The following SH3GL3 variants were observed in gnomAD, a reference collection of about 807,000 sequenced individuals.
SH3GL3 encodes the protein SH3 domain containing GRB2 like 3, endophilin A3.
SH3GL3 carries 33 observed loss-of-function variants against 47.7 expected under a neutral mutation model. That is an observed-to-expected ratio of 0.69 (90% CI 0.52 to 0.92). The LOEUF is 0.92. Ranked by LOEUF, SH3GL3 falls within the 40% of genes least tolerant of loss-of-function variation. The pLI is 0.00. For missense variants in SH3GL3, 363 were observed against 417.8 expected (o/e 0.87, Z 1.14); for synonymous variants, 155 against 148.8 (o/e 1.04, Z -0.30).
chr15:83,523,787 C>T lies in SH3GL3; in HGVS notation c.46-35466C>T, dbSNP rs62027544. On this transcript the variant is annotated intron_variant, in intron 1 of 8. Transcript: ENST00000427482. ...TTCTTTCTTTCCTTCTTCTCATTTCCCAGTGGTCTGGTCTCCAAAAACAAA... is the reference window on the plus strand; with the variant it reads ...TTCTTTCTTTCCTTCTTCTCATTTCTCAGTGGTCTGGTCTCCAAAAACAAA... Among the ~76,000 whole-genome samples, 548 of 151,710 alleles carry T rather than the reference C, an allele frequency of 3.6e-3. 3 individuals are homozygous for T. Among genetic ancestry groups the T allele is most frequent in the Admixed American group, 7.9e-3 (120 of 15,234 alleles).
At chr15:83,579,315 G>A (rs1246022010) in intron 6 of SH3GL3, among the ~76,000 whole-genome samples, 3 of 152,190 alleles carry the variant, frequency 2.0e-5, no homozygotes, top group African/African-American at 7.2e-5. Flanking sequence ...TTGACCTGCA[G>A]GTGAGTGGAG....
At chr15:83,470,789 C>G (rs116668533) in intron 1 of SH3GL3, among the ~76,000 whole-genome samples, 1 of 151,986 alleles carries the variant, frequency 6.6e-6, no homozygotes, top group Non-Finnish European at 1.5e-5. Flanking sequence ...TTTGAGTACA[C>G]CTCTTTGTAC....
intron 1 of SH3GL3, among the ~76,000 whole-genome samples, chr15:83,515,256 G>T (rs2042933274): frequency 6.6e-6 from 1 of 152,188 alleles, no homozygotes; most frequent in South Asian, 2.1e-4. Flanking sequence ...ATGAGTTCTG[G>T]ATTATTGTCA....
At chr15:83,482,523 C>T (rs938200570) in intron 1 of SH3GL3, among the ~76,000 whole-genome samples, 20 of 149,814 alleles carry the variant, frequency 1.3e-4, no homozygotes, top group Admixed American at 4.7e-4. Context: ...TTCAAAGTGT[C>T]GCTCTTGTTG....
chr15:83,497,469 C>T (rs1023750890), intron 1 of SH3GL3, among the ~76,000 whole-genome samples: 35 of 152,308 alleles, frequency 2.3e-4, no homozygotes, highest in African/African-American at 8.4e-4. Flanking sequence ...CCACTAGAGG[C>T]AAGGTGCCCC....
intron 1 of SH3GL3, among the ~76,000 whole-genome samples, chr15:83,467,192 T>C (rs2040608102): frequency 6.6e-6 from 1 of 152,250 alleles, no homozygotes; most frequent in Admixed American, 6.5e-5. Context: ...TTTTAGTCTG[T>C]AATCCATTTT....
intron 8 of SH3GL3, among the ~76,000 whole-genome samples, chr15:83,600,471 G>A (rs531770189): frequency 3.5e-4 from 54 of 152,164 alleles, no homozygotes; most frequent in South Asian, 1.2e-3. Context: ...TTATGCTTTC[G>A]TTTGCTTTGT....
chr15:83,522,130 T>C (rs2043229718), intron 1 of SH3GL3, among the ~76,000 whole-genome samples: 1 of 152,022 alleles, frequency 6.6e-6, no homozygotes, highest in African/African-American at 2.4e-5. Flanking sequence ...AGATAACAAT[T>C]TGGGTGCTTG....
chr15:83,547,004 C>T (rs2044433498), intron 1 of SH3GL3, among the ~76,000 whole-genome samples: 1 of 152,132 alleles, frequency 6.6e-6, no homozygotes, highest in Non-Finnish European at 1.5e-5. Context: ...AGGGGTGATG[C>T]AAGCACTCCC....
At chr15:83,587,228 T>C (rs1325190780) in intron 7 of SH3GL3, 142 bp downstream of exon 7, 2 of 571,924 alleles carry the variant, frequency 3.5e-6, no homozygotes, top group African/African-American at 3.9e-5. Context: ...GCTTTCATGG[T>C]TGGATGTGGG....
At chr15:83,456,061 C>A (rs2039942575) in intron 1 of SH3GL3, among the ~76,000 whole-genome samples, 1 of 87,460 alleles carries the variant, frequency 1.1e-5, no homozygotes, top group Non-Finnish European at 2.4e-5. Context: ...TGTTGGAATA[C>A]CCTGCCATGT....
chr15:83,578,855 T>C (rs2059755980), intron 6 of SH3GL3, among the ~76,000 whole-genome samples: 1 of 152,204 alleles, frequency 6.6e-6, no homozygotes, highest in Non-Finnish European at 1.5e-5. Flanking sequence ...AGATACTCCT[T>C]GTTGGGCCAT....
At chr15:83,470,715 C>G (rs2040791670) in intron 1 of SH3GL3, among the ~76,000 whole-genome samples, 1 of 152,044 alleles carries the variant, frequency 6.6e-6, no homozygotes, top group South Asian at 2.1e-4. Context: ...ATTTTCTTTT[C>G]TTTCCTGTAT....
intron 8 of SH3GL3, chr15:83,609,322 G>T (rs1173300800): frequency 2.2e-6 from 1 of 455,900 alleles, no homozygotes; most frequent in Non-Finnish European, 4.4e-6. Context: ...ACTGCTTCGG[G>T]AAGGCCATTG....
intron 1 of SH3GL3, among the ~76,000 whole-genome samples, chr15:83,484,681 T>G (rs1420739509): frequency 1.3e-5 from 2 of 152,180 alleles, no homozygotes; most frequent in Admixed American, 1.3e-4. Flanking sequence ...ATAACCTCAG[T>G]GATTTTCTTT....
At position 83,559,458 on chromosome 15, in the gene SH3GL3, A is replaced by C. The variant is rs574130073; in HGVS notation, c.114+137A>C. ...GTGTGGATTATGCAATCTACAAGGCAGTACTTTCCCACGTCCCAGCCCAAA... is the reference window on the plus strand; with the variant it reads ...GTGTGGATTATGCAATCTACAAGGCCGTACTTTCCCACGTCCCAGCCCAAA... On this transcript the variant is annotated intron_variant, in intron 2 of 8. Transcript: ENST00000427482. The C allele has an allele frequency of 8.5e-5, 52 of 608,400 alleles. No individual in the cohort carries two copies. The African/African-American group carries it at 9.4e-4, about 11-fold the overall frequency. 37.7% of individuals were successfully genotyped at this position (608,400 alleles called of 1,614,324 possible).
chr15:83,527,803 T>C lies in SH3GL3; in HGVS notation c.46-31450T>C, dbSNP rs2043492870. On this transcript the variant is annotated intron_variant, in intron 1 of 8. Transcript: ENST00000427482. ...TTGTTCCTTTCTTTCTCTCTTAGTGTTTATCATTGCCACTTGCAGGTCTTC... is the reference window on the plus strand; with the variant it reads ...TTGTTCCTTTCTTTCTCTCTTAGTGCTTATCATTGCCACTTGCAGGTCTTC... Among the ~76,000 whole-genome samples the C allele has an allele frequency of 2.6e-5, 4 of 152,186 alleles. No individual in the cohort carries two copies. The South Asian group carries it at 8.3e-4, about 31-fold the overall frequency.
chr15:83,564,878 A>G (rs1022861119), intron 2 of SH3GL3, among the ~76,000 whole-genome samples: 1 of 152,182 alleles, frequency 6.6e-6, no homozygotes, highest in Non-Finnish European at 1.5e-5. Flanking sequence ...GATTTTCTAA[A>G]TATTACCTTA....
chr15:83,515,203 T>A lies in SH3GL3; in HGVS notation c.46-44050T>A, dbSNP rs546286560. On this transcript the variant is annotated intron_variant, in intron 1 of 8. Transcript: ENST00000427482. Reference sequence around the variant, plus strand: ...AGAGGAAGCAAATCTACTGGGTGAGTGGATTCTATGCCCGAGTTCATAAGT... The same window carrying A: ...AGAGGAAGCAAATCTACTGGGTGAGAGGATTCTATGCCCGAGTTCATAAGT... 9.2e-5 allele frequency among the ~76,000 whole-genome samples: 14 copies of A among 152,236 alleles called. No homozygotes were observed. The Middle Eastern group carries it at 0.014, about 148-fold the overall frequency.
Sources: allele counts gnomAD v4.1 joint callset (sites outside exome capture counted in the v4.1 genomes callset), GRCh38; gene constraint gnomAD v4.1.1; transcripts MANE v1.5; gene names NCBI Gene and HGNC (gene_info 2026-07-23, HGNC 2026-07-21).